TASOR2: variants seen among roughly 807,000 people sequenced by gnomAD.
TASOR2 encodes the protein protein TASOR 2.
In TASOR2, 84 loss-of-function variants were observed where a neutral mutation model predicts 199.5. That is an observed-to-expected ratio of 0.42 (90% CI 0.35 to 0.50). The LOEUF (loss-of-function observed/expected upper bound fraction) is 0.50, where lower values mean the gene tolerates loss of function less well. Among genes scored for constraint, TASOR2 ranks in the 20% least tolerant of loss-of-function variants. The probability of loss-of-function intolerance (pLI) is 0.02; values close to 1 mark genes in which losing one functional copy is unlikely to be tolerated. For missense variants in TASOR2, 2,796 were observed against 2,835.9 expected, an observed-to-expected ratio of 0.99 and a Z score of 0.32; for synonymous variants, 1,103 against 1,046.6, an observed-to-expected ratio of 1.05 and a Z score of -1.04.
chr10:5,747,477 A>T (rs530302357), exon 15 of TASOR2: 1 of 1,614,208 alleles, frequency 6.2e-7, no homozygotes, highest in South Asian at 1.1e-5. Context: ...TGTCAGAAGA[A>T]CCAGTAGAAA....
chr10:5,755,646 G>T (rs1838821381), intron 15 of TASOR2, among the ~76,000 whole-genome samples: 1 of 152,050 alleles, frequency 6.6e-6, no homozygotes, highest in Non-Finnish European at 1.5e-5. Flanking sequence ...TGATGGTCAG[G>T]CAGTCTTCTG....
intron 15 of TASOR2, among the ~76,000 whole-genome samples, chr10:5,753,733 C>G (rs1212891829): frequency 6.6e-6 from 1 of 152,130 alleles, no homozygotes; most frequent in African/African-American, 2.4e-5. Flanking sequence ...GCTCCAAGTT[C>G]CTTGCCATTT....
rs982962884 is a variant in TASOR2, at chr10:5,747,846, C to T, written c.4425C>T (p.Val1475=). The T allele has an allele frequency of 6.2e-6, 10 of 1,613,706 alleles. No homozygotes were observed. The Admixed American group carries it at 6.7e-5, about 11-fold the overall frequency. ...TTACCCAGGTACAACAAATGCAGGT[C>T]TCTGCCGAAATGCCTCTAATATTAA... Residue 1475 remains valine (V), a synonymous_variant, in exon 15 of 21, where the codon GTC becomes GTT. Coordinates refer to ENST00000328090, the Ensembl canonical transcript of TASOR2.
intron 10 of TASOR2, 116 bp downstream of exon 11, chr10:5,727,239 C>G (rs1322304934): frequency 2.9e-6 from 3 of 1,019,384 alleles, no homozygotes; most frequent in East Asian, 4.9e-5. Flanking sequence ...TTAAATACCT[C>G]TTTTCTTAAC....
Position 5,720,450 on chromosome 10 carries a change from T to G in TASOR2, c.-99-94T>G. The G allele has an allele frequency of 7.0e-7, 1 of 1,424,658 alleles. No homozygotes were observed. Among genetic ancestry groups the G allele is most frequent in the South Asian group, 1.6e-5 (1 of 62,462 alleles). The allele number at this position is 1,424,658 out of a possible 1,614,324, so 88.3% of individuals were successfully genotyped here. A position where few individuals can be genotyped will look rare whatever the true frequency, so the allele number is the denominator to read the frequency against. On this transcript the variant is annotated intron_variant, in intron 3 of 20. Coordinates refer to ENST00000328090, the Ensembl canonical transcript of TASOR2. The surrounding 1 kb of genome is among the most constrained non-coding windows in gnomAD (Gnocchi z 5.3). ...CCAAGATATATTTCTGACTCTAATG[T>G]GTTAAATTTCAGGGCTCGGTGGGGT...
chr10:5,686,038 A>G (rs1393877410), intron 1 of TASOR2, among the ~76,000 whole-genome samples: 2 of 152,210 alleles, frequency 1.3e-5, no homozygotes. Flanking sequence ...GGAGGTTTAT[A>G]GCAAAGCAGT....
In TASOR2 at chr10:5,740,527, G is replaced by A. The variant is rs751354614; in HGVS notation, c.2327+30G>A. ...GTATGAGTGAAACTTAGTGAAAATG[G>A]ATGAAACTTTTCTGTTGAGATGAAT... On this transcript the variant is annotated intron_variant, in intron 13 of 20. Transcript: ENST00000328090. This position sits in a 1 kb window ranked among gnomAD's most constrained non-coding sequence, Gnocchi z 5.3. 4 of 1,588,358 alleles carry A rather than the reference G, an allele frequency of 2.5e-6. No individual in the cohort carries two copies. In the South Asian group the frequency reaches 4.5e-5, roughly 18 times the overall value.
intron 2 of TASOR2, among the ~76,000 whole-genome samples, chr10:5,715,823 A>C (rs574701042): frequency 1.9e-4 from 29 of 152,252 alleles, no homozygotes; most frequent in Admixed American, 1.6e-3. Context: ...TTGTATTTTT[A>C]GTAGCGACTG....
chr10:5,687,265 G>GC lies in TASOR2; in HGVS notation c.-288+2096dup, dbSNP rs543844042. ...CTACCCCAGGAGGAATGCGTTCCCT[G>GC]CCCCCCGTTACCCTGGCCATTATTA... On this transcript the variant is annotated intron_variant, in intron 1 of 20. Coordinates refer to ENST00000328090, the Ensembl canonical transcript of TASOR2. The surrounding 1 kb of genome is among the most constrained non-coding windows in gnomAD (Gnocchi z 4.8). 2.1e-3 allele frequency among the ~76,000 whole-genome samples: 317 copies of GC among 152,210 alleles called. No individual in the cohort carries two copies. The highest frequency in any genetic ancestry group is 3.5e-3 in the Non-Finnish European group (240 of 68,012).
intron 1 of TASOR2, among the ~76,000 whole-genome samples, chr10:5,686,852 A>C (rs1835870287): frequency 6.6e-6 from 1 of 152,200 alleles, no homozygotes; most frequent in African/African-American, 2.4e-5. Context: ...CTATTACTGT[A>C]GCATTTTAAT....
exon 19 of TASOR2, chr10:5,761,369 C>G: frequency 6.2e-7 from 1 of 1,613,930 alleles, no homozygotes; most frequent in Non-Finnish European, 8.5e-7. Flanking sequence ...GCTTCATTAT[C>G]ACCAGTGTGA....
At position 5,762,507 on chromosome 10, in the gene TASOR2, AGTT is replaced by A. The variant is rs773562649; in HGVS notation, c.7175-21_7175-19del. On this transcript the variant is annotated intron_variant, in intron 19 of 20. Coordinates refer to ENST00000328090, the Ensembl canonical transcript of TASOR2. ...AAGTACATTAATTATATTAACCAAA[AGTT>A]GTTTTTTTTTTTTTTTAACAGACAA... 2.2e-3 allele frequency: 1,030 copies of A among 470,160 alleles called. 35 individuals carry two copies. In the African/African-American group the frequency reaches 0.053, roughly 24 times the overall value. 29.1% of individuals were successfully genotyped at this position (470,160 alleles called of 1,614,324 possible). A position where few individuals can be genotyped will look rare whatever the true frequency, so the allele number is the denominator to read the frequency against.
intron 1 of TASOR2, among the ~76,000 whole-genome samples, chr10:5,703,479 A>G (rs941327230): frequency 7.6e-5 from 11 of 144,594 alleles, no homozygotes; most frequent in African/African-American, 2.8e-4. Context: ...TATTTTATAT[A>G]TATTGCTAGT....
At chr10:5,762,637 G>A (rs1840069769) in exon 20 of TASOR2, 2 of 1,371,314 alleles carry the variant, frequency 1.5e-6, no homozygotes, top group Non-Finnish European at 2.0e-6. Flanking sequence ...CCATTTAGGA[G>A]TAGCTATTGG....
rs1253351523 is a variant in TASOR2 at position 5,690,767 on chromosome 10, G to A, written c.-288+5592G>A. Reference sequence around the variant, plus strand: ...AATACGATACAACCATTTTATACAGGCAAAAGATGGTTTAATGCCAAAGCA... The same window carrying A: ...AATACGATACAACCATTTTATACAGACAAAAGATGGTTTAATGCCAAAGCA... On this transcript the variant is annotated intron_variant, in intron 1 of 20. Transcript: ENST00000328090. The surrounding 1 kb of genome is among the most constrained non-coding windows in gnomAD (Gnocchi z 4.8). Among the ~76,000 whole-genome samples the A allele has an allele frequency of 1.3e-5, 2 of 152,146 alleles. No individual in the cohort carries two copies. The highest frequency in any genetic ancestry group is 4.8e-5 in the African/African-American group (2 of 41,420).
chr10:5,735,078 A>G (rs535974437), intron 11 of TASOR2, among the ~76,000 whole-genome samples: 19 of 152,028 alleles, frequency 1.2e-4, no homozygotes, highest in Non-Finnish European at 2.5e-4. Context: ...TTCATCTGAT[A>G]GGGATATAGG....
chr10:5,713,378 A>G (rs898712571), intron 2 of TASOR2, among the ~76,000 whole-genome samples: 1 of 152,180 alleles, frequency 6.6e-6, no homozygotes, highest in African/African-American at 2.4e-5. Context: ...TGAAATCTGT[A>G]TTGTTGCCTG....
rs780272879 is a variant in TASOR2 at position 5,751,107 on chromosome 10, G to C, written c.6606+1080G>C. Among the ~76,000 whole-genome samples, 1 of 152,174 alleles carries C rather than the reference G, an allele frequency of 6.6e-6. No homozygotes were observed. Among genetic ancestry groups the C allele is most frequent in the South Asian group, 2.1e-4 (1 of 4,830 alleles). ...GCATTCATTGTATCAGGAGGCACCC[G>C]ATGTTGATTTATCCCCTTACTGGTA... On this transcript the variant is annotated intron_variant, in intron 15 of 20. Transcript: ENST00000328090. This position sits in a 1 kb window ranked among gnomAD's most constrained non-coding sequence, Gnocchi z 5.3.
chr10:5,749,092 A>T, exon 15 of TASOR2: 1 of 1,614,072 alleles, frequency 6.2e-7, no homozygotes, highest in Non-Finnish European at 8.5e-7. Context: ...AGGCATGGAG[A>T]CGAGCCTCCC....
Sources: allele counts gnomAD v4.1 joint callset (sites outside exome capture counted in the v4.1 genomes callset), GRCh38; gene constraint gnomAD v4.1.1; non-coding constraint Gnocchi (gnomAD v3.1); transcripts MANE v1.5; gene names NCBI Gene and HGNC (gene_info 2026-07-23, HGNC 2026-07-21).